Variants in SEPTIN7 observed in about 807,000 individuals in gnomAD.
SEPTIN7 encodes septin 7.
In SEPTIN7, 10 loss-of-function variants were observed where a neutral mutation model predicts 63.3. The ratio of observed to expected loss-of-function variants is 0.16; its 90% CI spans 0.10 to 0.27. The LOEUF (loss-of-function observed/expected upper bound fraction) is 0.27. Among genes scored for constraint, SEPTIN7 ranks in the 10% least tolerant of loss-of-function variants. The pLI is 1.00. For synonymous variants in SEPTIN7, 131 were observed against 165.3 expected, an observed-to-expected ratio of 0.79 and a Z score of 1.59; for missense variants, 310 against 521.0, an observed-to-expected ratio of 0.59 and a Z score of 3.94.
At chr7:35,822,313 C>T (rs766854846) in intron 1 of SEPTIN7, among the ~76,000 whole-genome samples, 10 of 151,508 alleles carry the variant, frequency 6.6e-5, no homozygotes, top group East Asian at 1.9e-4. Flanking sequence ...CCACCCGCCT[C>T]GGACTCCCAA....
At chr7:35,841,974 A>G (rs766353137) in intron 3 of SEPTIN7, among the ~76,000 whole-genome samples, 6 of 152,182 alleles carry the variant, frequency 3.9e-5, no homozygotes, top group Non-Finnish European at 5.9e-5. Flanking sequence ...ATGTAATTTT[A>G]AATATGAGAT....
At chr7:35,868,514 G>A (rs1785954140) in intron 4 of SEPTIN7, among the ~76,000 whole-genome samples, 1 of 151,932 alleles carries the variant, frequency 6.6e-6, no homozygotes, top group Admixed American at 6.6e-5. Flanking sequence ...GTGCTGTAGA[G>A]GTGACCTTGG....
chr7:35,843,507 A>G (rs1460203083), intron 3 of SEPTIN7, among the ~76,000 whole-genome samples: 1 of 152,228 alleles, frequency 6.6e-6, no homozygotes, highest in African/African-American at 2.4e-5. Context: ...TAGAGCTGAA[A>G]TAATTTTGAA....
At chr7:35,914,638 C>CCT in the SEPTIN7 span, among the ~76,000 whole-genome samples, 51 of 148,708 alleles carry the variant, frequency 3.4e-4, no homozygotes, top group African/African-American at 1.2e-3. Flanking sequence ...TCTTTCTGTC[C>CCT]CTCTCTCTCT....
intron 1 of SEPTIN7, among the ~76,000 whole-genome samples, chr7:35,803,777 A>G (rs961977130): frequency 7.9e-5 from 12 of 152,206 alleles, no homozygotes; most frequent in African/African-American, 2.9e-4. Flanking sequence ...TTATTATACA[A>G]TAGAAACTGA....
chr7:35,875,148 C>T (rs1291833754), intron 6 of SEPTIN7, among the ~76,000 whole-genome samples: 1 of 152,088 alleles, frequency 6.6e-6, no homozygotes, highest in Non-Finnish European at 1.5e-5. Context: ...CCTAAAATTG[C>T]ATGGGAAATG....
intron 4 of SEPTIN7, among the ~76,000 whole-genome samples, chr7:35,869,849 A>G (rs1457555244): frequency 1.3e-5 from 2 of 152,204 alleles, no homozygotes; most frequent in Non-Finnish European, 2.9e-5. Context: ...AGGGAAAAAC[A>G]GTTGAAAATG....
At chr7:35,889,342 G>A (rs1031854090) in intron 10 of SEPTIN7, among the ~76,000 whole-genome samples, 2 of 152,152 alleles carry the variant, frequency 1.3e-5, no homozygotes, top group East Asian at 3.8e-4. Flanking sequence ...ACAGAGTCTG[G>A]GAGATGAGAT....
chr7:35,844,012 A>T (rs776274819), intron 3 of SEPTIN7, among the ~76,000 whole-genome samples: 23 of 152,236 alleles, frequency 1.5e-4, no homozygotes, highest in Non-Finnish European at 3.1e-4. Context: ...CAGCAATAAC[A>T]TAAAGGATGA....
At chr7:35,886,291 T>A (rs1270220467) in intron 10 of SEPTIN7, among the ~76,000 whole-genome samples, 4 of 152,148 alleles carry the variant, frequency 2.6e-5, no homozygotes, top group Non-Finnish European at 5.9e-5. Context: ...TAGGGCACAT[T>A]TTATGTACTG....
the SEPTIN7 span, among the ~76,000 whole-genome samples, chr7:35,912,731 C>A: frequency 1.3e-5 from 2 of 152,216 alleles, no homozygotes; most frequent in African/African-American, 4.8e-5. Context: ...TTATCCAGAG[C>A]CCTTCTAAGT....
At chr7:35,835,060 T>G (rs1364120488) in intron 3 of SEPTIN7, among the ~76,000 whole-genome samples, 1 of 152,182 alleles carries the variant, frequency 6.6e-6, no homozygotes, top group African/African-American at 2.4e-5. Flanking sequence ...CTTGAGTGAC[T>G]TATTTGTATC....
chr7:35,857,873 G>A (rs1227499052), intron 3 of SEPTIN7, among the ~76,000 whole-genome samples: 1 of 151,956 alleles, frequency 6.6e-6, no homozygotes, highest in Non-Finnish European at 1.5e-5. Flanking sequence ...AAAAAGGAAA[G>A]TTACTCAAAA....
Position 35,904,540 on chromosome 7 carries a change from A to G in SEPTIN7, c.*247A>G, listed in dbSNP as rs772475148. 2 of 316,944 alleles carry G rather than the reference A, an allele frequency of 6.3e-6. No homozygotes were observed. Among genetic ancestry groups the G allele is most frequent in the East Asian group, 4.9e-5 (1 of 20,340 alleles). 19.6% of individuals were successfully genotyped at this position (316,944 alleles called of 1,614,324 possible). ...CCTACATTTTCTTTTTTTATTAAAC[A>G]GATATCTTCAGTTTAATGCAAGAGA... On this transcript the variant is annotated 3_prime_UTR_variant, in exon 14 of 14. Transcript: ENST00000350320.
chr7:35,811,172 A>T (rs149739362), intron 1 of SEPTIN7, among the ~76,000 whole-genome samples: 2 of 152,226 alleles, frequency 1.3e-5, no homozygotes, highest in African/African-American at 4.8e-5. Flanking sequence ...GAGGAGGCAA[A>T]ATTCTCATAA....
Position 35,847,373 on chromosome 7 carries a change from AGGGCCCCC to A in SEPTIN7, c.169+14477_169+14484del, listed in dbSNP as rs536960164. 758 of 165,606 alleles carry A rather than the reference AGGGCCCCC, an allele frequency of 4.6e-3. 2 individuals are homozygous for A. The highest frequency in any genetic ancestry group is 7.2e-3 in the Non-Finnish European group (529 of 73,526). The allele number at this position is 165,606 out of a possible 1,614,324, so 10.3% of individuals were successfully genotyped here. A position where few individuals can be genotyped will look rare whatever the true frequency, so the allele number is the denominator to read the frequency against. ...GGGCAATGCCATGGCTGAAGCCATCAGGGCCCCCGGGTAACTGGAACACAGGCACAGGA... is the reference window on the plus strand; with the variant it reads ...GGGCAATGCCATGGCTGAAGCCATCAGGGTAACTGGAACACAGGCACAGGA... On this transcript the variant is annotated intron_variant, in intron 3 of 13. Coordinates refer to ENST00000350320, the MANE Select transcript of SEPTIN7 (RefSeq NM_001788.6).
intron 3 of SEPTIN7, among the ~76,000 whole-genome samples, chr7:35,846,164 T>G (rs1239968475): frequency 1.3e-5 from 2 of 152,246 alleles, no homozygotes; most frequent in African/African-American, 4.8e-5. Flanking sequence ...ATATTTATTT[T>G]GTATACTTTC....
downstream of SEPTIN7, among the ~76,000 whole-genome samples, chr7:35,908,938 A>G (rs1788688108): frequency 1.3e-5 from 2 of 152,232 alleles, no homozygotes; most frequent in Admixed American, 1.3e-4. Flanking sequence ...ATTTAAATAT[A>G]TGCTGTACTC....
intron 4 of SEPTIN7, among the ~76,000 whole-genome samples, chr7:35,870,299 CAG>C (rs973589117): frequency 4.6e-5 from 7 of 151,926 alleles, no homozygotes; most frequent in Non-Finnish European, 1.0e-4. Flanking sequence ...TTTTAAAAAA[CAG>C]GGAAATATCT....
Sources: allele counts gnomAD v4.1 joint callset (sites outside exome capture counted in the v4.1 genomes callset), GRCh38; gene constraint gnomAD v4.1.1; transcripts MANE v1.5; gene names NCBI Gene and HGNC (gene_info 2026-07-23, HGNC 2026-07-21).